Variants in FBRSL1 observed in about 807,000 individuals in gnomAD.
The protein encoded by FBRSL1 is fibrosin-1-like protein.
Under a neutral mutation model 89.6 loss-of-function variants are expected in FBRSL1, and 51 were observed. The observed-to-expected ratio is 0.57, with a 90% CI of 0.45 to 0.72. FBRSL1 has a LOEUF of 0.72. Ranked by LOEUF, FBRSL1 falls within the 30% of genes least tolerant of loss-of-function variation. FBRSL1 has a pLI of 0.00. For synonymous variants in FBRSL1, 779 were observed against 681.1 expected (o/e 1.14, Z -2.24); for missense variants, 1,618 against 1,451.8 (o/e 1.11, Z -1.86).
At position 132,570,556 on chromosome 12, in the gene FBRSL1, A is replaced by T; in HGVS notation, c.1213+16A>T. ...CACCCGGCCGGTAGGTGTCTCGGCC[A>T]CAATCTCGCCCAGGGCAGGGGTTGG... On this transcript the variant is annotated intron_variant, in intron 8 of 18. Transcript: ENST00000680143. The T allele has an allele frequency of 6.7e-7, 1 of 1,490,334 alleles. No individual in the cohort carries two copies. The highest frequency in any genetic ancestry group is 8.9e-7 in the Non-Finnish European group (1 of 1,123,084). The allele number at this position is 1,490,334 out of a possible 1,614,324, so 92.3% of individuals were successfully genotyped here.
In FBRSL1 at chr12:132,520,181, C is replaced by T. The variant is rs34200488; in HGVS notation, c.490-5553C>T. 9.8e-3 allele frequency among the ~76,000 whole-genome samples: 1,476 copies of T among 150,656 alleles called. 14 individuals are homozygous for T. The highest frequency in any genetic ancestry group is 0.034 in the Middle Eastern group (10 of 290). Reference sequence around the variant, plus strand: ...GCACCCTCCAGCAACCCTCCTTGTACCCCTCCAGCACACCCTCCTTGCACC... The same window carrying T: ...GCACCCTCCAGCAACCCTCCTTGTATCCCTCCAGCACACCCTCCTTGCACC... On this transcript the variant is annotated intron_variant, in intron 2 of 18. Coordinates refer to ENST00000680143, the MANE Select transcript of FBRSL1 (RefSeq NM_001367871.1).
In FBRSL1 at chr12:132,571,451, C is replaced by A. The variant is rs1319550222; in HGVS notation, c.1377+220C>A. 6.4e-7 allele frequency: 1 copy of A among 1,550,754 alleles called. No homozygotes were observed. The highest frequency in any genetic ancestry group is 2.0e-5 in the Admixed American group (1 of 50,988). On this transcript the variant is annotated intron_variant, in intron 9 of 18. Coordinates refer to ENST00000680143, the MANE Select transcript of FBRSL1 (RefSeq NM_001367871.1). Reference sequence around the variant, plus strand: ...ACACACCAGCACACGCACCAACACACACACCAGCACCAACACACATTCGCC... The same window carrying A: ...ACACACCAGCACACGCACCAACACAAACACCAGCACCAACACACATTCGCC...
At chr12:132,536,159 CATGACTGTGT>C (rs746462861) in intron 4 of FBRSL1, among the ~76,000 whole-genome samples, 1 of 60,840 alleles carries the variant, frequency 1.6e-5, no homozygotes, top group Non-Finnish European at 2.9e-5. Flanking sequence ...TGCACGTGTG[CATGACTGTGT>C]ACACGATGGT....
Position 132,580,920 on chromosome 12 carries a change from G to A in FBRSL1, c.1835-519G>A, listed in dbSNP as rs1049266495. On this transcript the variant is annotated intron_variant, in intron 15 of 18. Coordinates refer to ENST00000680143, the MANE Select transcript of FBRSL1 (RefSeq NM_001367871.1). ...GTTGCTCTCCAAGGGTTGTTGGGGG[G>A]CCAGGGCTGATGTTGACGTGGTGCT... The A allele has an allele frequency of 1.6e-5, 16 of 985,356 alleles. No homozygotes were observed. The African/African-American group carries it at 2.4e-4, about 15-fold the overall frequency. 61.0% of individuals were successfully genotyped at this position (985,356 alleles called of 1,614,324 possible). A position where few individuals can be genotyped will look rare whatever the true frequency, so the allele number is the denominator to read the frequency against.
At chr12:132,575,422 T>G (rs1041035088) in intron 14 of FBRSL1, among the ~76,000 whole-genome samples, 9 of 152,090 alleles carry the variant, frequency 5.9e-5, no homozygotes, top group Admixed American at 3.3e-4. Context: ...AGAGACGGGG[T>G]TTCACCATGT....
At position 132,499,730 on chromosome 12, in the gene FBRSL1, G is replaced by A. The variant is rs1016504267; in HGVS notation, c.292-8423G>A. The stretch of plus-strand genomic sequence containing the variant: ...TGGGGGGCTGCAGGGCTGGGGGGTG[G>A]GGCGCTGCGCAGCACCTAAACTCCG... On this transcript the variant is annotated intron_variant, in intron 1 of 18. Coordinates refer to ENST00000680143, the MANE Select transcript of FBRSL1 (RefSeq NM_001367871.1). The surrounding 1 kb of genome is among the most constrained non-coding windows in gnomAD (Gnocchi z 4.3). Among the ~76,000 whole-genome samples the A allele has an allele frequency of 1.1e-4, 16 of 152,082 alleles. No individual in the cohort carries two copies. Among genetic ancestry groups the A allele is most frequent in the Non-Finnish European group, 1.9e-4 (13 of 67,936 alleles).
At position 132,511,272 on chromosome 12, in the gene FBRSL1, C is replaced by G. The variant is rs1459854766; in HGVS notation, c.489+2922C>G. ...CTGCAGGGTCTCCAGGCGAGGGGGA[C>G]CCCACAGGGTGGGCAGCGCCTTCTC... is the stretch of plus-strand genomic sequence containing the variant. On this transcript the variant is annotated intron_variant, in intron 2 of 18. Coordinates refer to ENST00000680143, the MANE Select transcript of FBRSL1 (RefSeq NM_001367871.1). 3.0e-6 allele frequency: 3 copies of G among 985,488 alleles called. No individual in the cohort carries two copies. The African/African-American group carries it at 5.2e-5, about 17-fold the overall frequency. The allele number at this position is 985,488 out of a possible 1,614,324, so 61.0% of individuals were successfully genotyped here. A position where few individuals can be genotyped will look rare whatever the true frequency, so the allele number is the denominator to read the frequency against.
chr12:132,582,042 T>TC lies in FBRSL1; in HGVS notation c.1997-16dup, dbSNP rs1186607771. 12 of 1,534,366 alleles carry TC rather than the reference T, an allele frequency of 7.8e-6. No homozygotes were observed. Among genetic ancestry groups the TC allele is most frequent in the Admixed American group, 5.9e-5 (3 of 50,618 alleles). ...GGAGCAGACAGACCCAACCTCATGC[T>TC]CCCCGGCCTCTGCCCCCAGCTCCCG... On this transcript the variant is annotated intron_variant, in intron 17 of 18. Transcript: ENST00000680143.
At position 132,576,800 on chromosome 12, in the gene FBRSL1, A is replaced by G; in HGVS notation, c.1703A>G (p.Glu568Gly). The change falls in exon 15 of 19, where the codon GAG becomes GGG. Residue 568 changes from glutamate (E) to glycine (G), a missense_variant and splice_region_variant. By Grantham distance (98) the Glu-to-Gly change is moderately conservative. Coordinates refer to ENST00000680143, the MANE Select transcript of FBRSL1 (RefSeq NM_001367871.1). ...CCCTCACCCGTTCTATCCTCCCAGG[A>G]GATGCAGCTGGACCCCCACAAGCTG... is the stretch of plus-strand genomic sequence containing the variant. ...QIYRHQQKIK[E>G]MQLDPHKLEV... The G allele has an allele frequency of 6.4e-7, 1 of 1,550,516 alleles. No individual in the cohort carries two copies. Among genetic ancestry groups the G allele is most frequent in the Non-Finnish European group, 8.7e-7 (1 of 1,146,700 alleles).
rs1475571710 is a variant in FBRSL1 at position 132,576,859 on chromosome 12, C to A, written c.1762C>A (p.Pro588Thr). 12 of 1,550,884 alleles carry A rather than the reference C, an allele frequency of 7.7e-6. No individual in the cohort carries two copies. Among genetic ancestry groups the A allele is most frequent in the Non-Finnish European group, 1.0e-5 (12 of 1,146,918 alleles). Residue 588 changes from proline (P) to threonine (T), a missense_variant, in exon 15 of 19, where the codon CCC becomes ACC. By Grantham distance (38) the Pro-to-Thr change is conservative (BLOSUM62 -1). Coordinates refer to ENST00000680143, the MANE Select transcript of FBRSL1 (RefSeq NM_001367871.1). ...TGCAAAGCTGGACCTGTTCGGCAGA[C>A]CCCCTGCCCCGGGCGTGTTTGCAGG... ...VGAKLDLFGR[P>T]PAPGVFAGFH...
chr12:132,498,203 G>A (rs1006040378), intron 1 of FBRSL1, among the ~76,000 whole-genome samples: 2 of 152,200 alleles, frequency 1.3e-5, no homozygotes, highest in Non-Finnish European at 1.5e-5. Flanking sequence ...CTGTGTGGGT[G>A]TGGGTCTCTC....
intron 1 of FBRSL1, chr12:132,507,015 C>T (rs58093164): frequency 0.012 from 2,287 of 195,070 alleles, 52 homozygotes; most frequent in East Asian, 0.12. Flanking sequence ...GGCGCCCAGC[C>T]GGAGAGGGCG....
At chr12:132,576,695 A>T (rs10870473) in intron 14 of FBRSL1, 104 bp from the exon 15 acceptor site, 937,236 of 1,320,038 alleles carry the variant, frequency 0.71, 336,590 homozygotes, top group East Asian at 0.99. Context: ...TGCTCCCCTT[A>T]CTGGACTGGC....
At chr12:132,573,737 G>A (rs1174883699) in intron 11 of FBRSL1, among the ~76,000 whole-genome samples, 4 of 152,086 alleles carry the variant, frequency 2.6e-5, no homozygotes, top group African/African-American at 9.7e-5. Context: ...GGTGGGAAAC[G>A]ACCATCTCCC....
At chr12:132,510,413 C>A in intron 2 of FBRSL1, 1 of 1,232,054 alleles carries the variant, frequency 8.1e-7, no homozygotes. Context: ...CCGGGATGGC[C>A]CGTCAGGCCC....
intron 1 of FBRSL1, among the ~76,000 whole-genome samples, chr12:132,497,414 G>A (rs2032220322): frequency 6.6e-6 from 1 of 152,098 alleles, no homozygotes; most frequent in Non-Finnish European, 1.5e-5. Flanking sequence ...GGCAGACCCA[G>A]TCTGGCTGCC....
chr12:132,525,628 G>T (rs556213848), intron 2 of FBRSL1, 106 bp from the exon 3 acceptor site: 4 of 885,028 alleles, frequency 4.5e-6, no homozygotes, highest in Non-Finnish European at 7.1e-6. Context: ...GCCTGGGGCC[G>T]GGGTGCTGGG....
At chr12:132,534,274 T>A (rs919355164) in intron 4 of FBRSL1, among the ~76,000 whole-genome samples, 13 of 152,190 alleles carry the variant, frequency 8.5e-5, no homozygotes, top group Non-Finnish European at 1.9e-4. Context: ...GCCACGTGCG[T>A]TGTCGGGCCC....
chr12:132,509,425 A>C, intron 2 of FBRSL1: 1 of 1,241,522 alleles, frequency 8.1e-7, no homozygotes, highest in Non-Finnish European at 1.0e-6. Flanking sequence ...GGCCCCGGTC[A>C]GCCCTGCCGG....
Sources: allele counts gnomAD v4.1 joint callset (sites outside exome capture counted in the v4.1 genomes callset), GRCh38; gene constraint gnomAD v4.1.1; non-coding constraint Gnocchi (gnomAD v3.1); transcripts MANE v1.5; gene names NCBI Gene and HGNC (gene_info 2026-07-23, HGNC 2026-07-21).